Variants in PTPRK observed in about 807,000 individuals in gnomAD.
PTPRK encodes the protein protein tyrosine phosphatase receptor type K.
A neutral mutation model predicts 178.0 loss-of-function variants in PTPRK; 75 were observed. The ratio of observed to expected loss-of-function variants is 0.42; its 90% CI spans 0.35 to 0.51. PTPRK has a LOEUF of 0.51. Among genes scored for constraint, PTPRK ranks in the 20% least tolerant of loss-of-function variants. The pLI, the probability that PTPRK is intolerant of heterozygous loss-of-function variation, is 0.02. For missense variants in PTPRK, 1,441 were observed against 1,797.8 expected, an observed-to-expected ratio of 0.80 and a Z score of 3.59; for synonymous variants, 637 against 620.6, an observed-to-expected ratio of 1.03 and a Z score of -0.39.
At chr6:128,143,460 C>G (rs1475116400) in intron 7 of PTPRK, among the ~76,000 whole-genome samples, 3 of 152,114 alleles carry the variant, frequency 2.0e-5, no homozygotes, top group African/African-American at 7.2e-5. Context: ...ACTACTGTGA[C>G]CTGCATTAAG....
intron 13 of PTPRK, among the ~76,000 whole-genome samples, chr6:128,036,120 T>C (rs1369785844): frequency 1.3e-5 from 2 of 152,180 alleles, no homozygotes; most frequent in Non-Finnish European, 2.9e-5. Flanking sequence ...GGGGTCTGAA[T>C]AGGGTTGGGA....
chr6:128,418,099 A>G (rs1231881305), intron 1 of PTPRK, among the ~76,000 whole-genome samples: 1 of 152,268 alleles, frequency 6.6e-6, no homozygotes, highest in Non-Finnish European at 1.5e-5. Context: ...ATTTTTGCCA[A>G]TGCTAGGCTT....
intron 5 of PTPRK, among the ~76,000 whole-genome samples, chr6:128,224,417 G>C (rs1056222999): frequency 1.3e-5 from 2 of 152,108 alleles, no homozygotes; most frequent in African/African-American, 2.4e-5. Flanking sequence ...TTTCATTCCT[G>C]GTGGAATATA....
intron 5 of PTPRK, chr6:128,235,672 G>A (rs1422114734): frequency 2.3e-6 from 1 of 433,272 alleles, no homozygotes; most frequent in Non-Finnish European, 4.8e-6. Context: ...TGAGTAGCGT[G>A]ATGAAATCTT....
At position 128,070,176 on chromosome 6, in the gene PTPRK, A is replaced by G. The variant is rs188123917; in HGVS notation, c.1884-2384T>C. ...TTATTCATTTATTCTTTGAATGGTCATTACAGAAATGAAGTATTATATTTC... is the reference window on the plus strand; with the variant it reads ...TTATTCATTTATTCTTTGAATGGTCGTTACAGAAATGAAGTATTATATTTC... On this transcript the variant is annotated intron_variant, in intron 11 of 29. Coordinates refer to ENST00000368226, the MANE Select transcript of PTPRK (RefSeq NM_002844.4). Among the ~76,000 whole-genome samples, 534 of 152,156 alleles carry G rather than the reference A, an allele frequency of 3.5e-3. 3 individuals are homozygous for G. The highest frequency in any genetic ancestry group is 0.012 in the African/African-American group (504 of 41,536).
chr6:128,311,429 T>C (rs149377385), intron 3 of PTPRK, among the ~76,000 whole-genome samples: 2 of 152,086 alleles, frequency 1.3e-5, no homozygotes, highest in African/African-American at 4.8e-5. Flanking sequence ...GACAGAAAAA[T>C]CTCCCACCCT....
At chr6:128,477,940 C>T (rs1851575855) in intron 1 of PTPRK, among the ~76,000 whole-genome samples, 1 of 151,988 alleles carries the variant, frequency 6.6e-6, no homozygotes, top group Non-Finnish European at 1.5e-5. Flanking sequence ...ATGCCATTGC[C>T]ACTGCCACCA....
intron 6 of PTPRK, among the ~76,000 whole-genome samples, chr6:128,188,779 A>C (rs1386388443): frequency 6.6e-6 from 1 of 152,144 alleles, no homozygotes; most frequent in Non-Finnish European, 1.5e-5. Flanking sequence ...TGAGTCTTCT[A>C]ACTTCTGGTG....
At chr6:128,466,890 T>C (rs984433963) in intron 1 of PTPRK, among the ~76,000 whole-genome samples, 3 of 152,048 alleles carry the variant, frequency 2.0e-5, no homozygotes, top group African/African-American at 7.2e-5. Flanking sequence ...GAGACTGAAG[T>C]TGAGAATCAA....
intron 3 of PTPRK, among the ~76,000 whole-genome samples, chr6:128,278,307 C>T (rs1035340474): frequency 1.3e-5 from 2 of 152,054 alleles, no homozygotes; most frequent in Admixed American, 6.6e-5. Flanking sequence ...CAGGTGCACA[C>T]CACCACGCCC....
chr6:128,435,046 CAGGAAGGAAGGAAGGAAGGAAGGA>C lies in PTPRK; in HGVS notation c.101-37382_101-37359del, dbSNP rs759976402. On this transcript the variant is annotated intron_variant, in intron 1 of 29. Transcript: ENST00000368226. ...GAAGTAAGACAGGAAGGCAGGAAGG[CAGGAAGGAAGGAAGGAAGGAAGGA>C]AGGAAGGAAGGAAGGAAGGAAGGAA... Among the ~76,000 whole-genome samples the C allele has an allele frequency of 1.2e-3, 90 of 72,482 alleles. 4 individuals carry two copies. In the East Asian group the frequency reaches 0.016, roughly 13 times the overall value. 47.6% of individuals were successfully genotyped at this position (72,482 alleles called of 152,430 possible).
chr6:127,994,386 TA>T (rs575321104), intron 18 of PTPRK, among the ~76,000 whole-genome samples: 42 of 151,570 alleles, frequency 2.8e-4, no homozygotes, highest in African/African-American at 9.2e-4. Context: ...ATTTTAATTG[TA>T]AAAAAAATAG....
At position 128,159,739 on chromosome 6, in the gene PTPRK, C is replaced by T. The variant is rs563925822; in HGVS notation, c.1162+24693G>A. Among the ~76,000 whole-genome samples, 5 of 151,728 alleles carry T rather than the reference C, an allele frequency of 3.3e-5. No homozygotes were observed. The South Asian group carries it at 8.3e-4, about 25-fold the overall frequency. On this transcript the variant is annotated intron_variant, in intron 7 of 29. Transcript: ENST00000368226. ...CTCTAAAAGTCTGCTTGTGCTGGTA[C>T]CAATAAAGTCTATTTCTTCCAGACA... is the stretch of plus-strand genomic sequence containing the variant.
At chr6:128,323,926 A>G (rs1003689523) in intron 2 of PTPRK, among the ~76,000 whole-genome samples, 2 of 151,780 alleles carry the variant, frequency 1.3e-5, no homozygotes, top group African/African-American at 4.8e-5. Context: ...TTATGTCTTT[A>G]TTTTTAAAAA....
intron 2 of PTPRK, among the ~76,000 whole-genome samples, chr6:128,381,104 A>C (rs895943177): frequency 6.6e-6 from 1 of 152,178 alleles, no homozygotes; most frequent in African/African-American, 2.4e-5. Flanking sequence ...ATGTTGTTGC[A>C]TAACTTCTTC....
chr6:128,436,814 A>G (rs556501299), intron 1 of PTPRK, among the ~76,000 whole-genome samples: 1 of 152,286 alleles, frequency 6.6e-6, no homozygotes, highest in East Asian at 1.9e-4. Context: ...AACAGAAAAT[A>G]GAATGGTGGC....
At chr6:128,029,577 G>A (rs1253752424) in intron 13 of PTPRK, among the ~76,000 whole-genome samples, 4 of 151,212 alleles carry the variant, frequency 2.6e-5, no homozygotes, top group African/African-American at 4.9e-5. Flanking sequence ...TTGAACCTAA[G>A]AAGCAGAGGT....
intron 3 of PTPRK, among the ~76,000 whole-genome samples, chr6:128,261,825 CA>C (rs1442250284): frequency 2.0e-5 from 3 of 151,668 alleles, no homozygotes; most frequent in Admixed American, 1.3e-4. Context: ...CAGTTAAAAG[CA>C]AAAAGAAGCA....
chr6:128,435,908 G>A (rs1266508788), intron 1 of PTPRK, among the ~76,000 whole-genome samples: 3 of 151,506 alleles, frequency 2.0e-5, no homozygotes, highest in Non-Finnish European at 4.4e-5. Flanking sequence ...AAACATTTTG[G>A]CATTATAACA....
Sources: allele counts gnomAD v4.1 joint callset (sites outside exome capture counted in the v4.1 genomes callset), GRCh38; gene constraint gnomAD v4.1.1; transcripts MANE v1.5; gene names NCBI Gene and HGNC (gene_info 2026-07-23, HGNC 2026-07-21).